The following ITGB5 variants were observed in gnomAD, a reference collection of about 807,000 sequenced individuals.
ITGB5 encodes integrin beta-5.
In ITGB5, 38 loss-of-function variants were observed where a neutral mutation model predicts 84.8. The ratio of observed to expected loss-of-function variants is 0.45; its 90% CI spans 0.35 to 0.59. ITGB5 has a LOEUF of 0.59. Among genes scored for constraint, ITGB5 ranks in the 20% least tolerant of loss-of-function variants. The pLI is 0.01. For missense variants in ITGB5, 905 were observed against 1,034.5 expected (o/e 0.87, Z 1.72); for synonymous variants, 393 against 414.4 (o/e 0.95, Z 0.63).
chr3:124,884,344 A>G, intron 1 of ITGB5, among the ~76,000 whole-genome samples: 1 of 152,206 alleles, frequency 6.6e-6, no homozygotes, highest in East Asian at 1.9e-4. Flanking sequence ...GGTAAGCAGC[A>G]AGTTCTGGAG....
intron 9 of ITGB5, among the ~76,000 whole-genome samples, chr3:124,806,461 TCTCA>T (rs1188204529): frequency 9.3e-4 from 123 of 132,394 alleles, no homozygotes; most frequent in Admixed American, 2.9e-3. Context: ...TGAGACTGAG[TCTCA>T]CTCTGTCGCC....
chr3:124,809,013 G>A lies in ITGB5; in HGVS notation c.1263+9C>T. The A allele has an allele frequency of 6.2e-7, 1 of 1,613,342 alleles. No individual in the cohort carries two copies. The highest frequency in any genetic ancestry group is 8.5e-7 in the Non-Finnish European group (1 of 1,179,666). ...ACAAGAGTTCATACAAACTTGGGGT[G>A]AGACTTACCGTGTCCCCAATCTTCA... On this transcript the variant is annotated intron_variant, in intron 9 of 14. Transcript: ENST00000296181.
At chr3:124,900,101 C>G (rs1935188033) in intron 1 of ITGB5, among the ~76,000 whole-genome samples, 1 of 152,112 alleles carries the variant, frequency 6.6e-6, no homozygotes, top group Admixed American at 6.6e-5. Context: ...ATACAGGACA[C>G]TCTCAGCTTC....
chr3:124,851,745 G>A (rs2065159572), intron 3 of ITGB5, among the ~76,000 whole-genome samples: 1 of 152,050 alleles, frequency 6.6e-6, no homozygotes, highest in African/African-American at 2.4e-5. Context: ...CACCACTGAT[G>A]TTCAGAATGA....
At chr3:124,889,788 TG>T (rs1337858789), upstream of ITGB5, among the ~76,000 whole-genome samples, 9 of 152,172 alleles carry the variant, frequency 5.9e-5, no homozygotes, top group African/African-American at 2.2e-4. Flanking sequence ...CCCAGTCGGG[TG>T]GATAGCTTGA....
intron 3 of ITGB5, among the ~76,000 whole-genome samples, chr3:124,853,859 T>C (rs956356660): frequency 1.3e-5 from 2 of 152,200 alleles, no homozygotes; most frequent in Admixed American, 6.5e-5. Context: ...TTCTTGTGAG[T>C]CTAAAATTAT....
At chr3:124,773,576 G>T in intron 11 of ITGB5, 114 bp downstream of exon 11, 1 of 867,698 alleles carries the variant, frequency 1.2e-6, no homozygotes, top group Non-Finnish European at 1.8e-6. Context: ...GGCTTGCTGG[G>T]TGGGAGATGC....
chr3:124,866,139 T>C (rs72974536), intron 2 of ITGB5, among the ~76,000 whole-genome samples: 3,566 of 150,284 alleles, frequency 0.024, 130 homozygotes, highest in African/African-American at 0.082. Context: ...GGGACTGCTA[T>C]GCCTGGCTAA....
At position 124,876,761 on chromosome 3, in the gene ITGB5, G is replaced by A. The variant is rs536009901; in HGVS notation, c.71-3230C>T. Among the ~76,000 whole-genome samples the A allele has an allele frequency of 6.2e-3, 949 of 152,194 alleles. 36 individuals carry two copies. The highest frequency in any genetic ancestry group is 2.7e-3 in the Non-Finnish European group (183 of 68,020). On this transcript the variant is annotated intron_variant, in intron 1 of 14. Transcript: ENST00000296181. ...CACCCAGGGAGGCCTACAGCAGGAGGATCTGAGGCTGCTGGGACCCACCCA... is the reference window on the plus strand; with the variant it reads ...CACCCAGGGAGGCCTACAGCAGGAGAATCTGAGGCTGCTGGGACCCACCCA...
Position 124,855,696 on chromosome 3 carries a change from G to A in ITGB5, c.361+3546C>T, listed in dbSNP as rs544160899. 5.3e-5 allele frequency among the ~76,000 whole-genome samples: 8 copies of A among 152,226 alleles called. No individual in the cohort carries two copies. The South Asian group carries it at 8.3e-4, about 16-fold the overall frequency. ...AGGCAGTCAGCTCCTCCAACTGCTTGACACCACCAGCACTGGGCTCTCCAC... is the reference window on the plus strand; with the variant it reads ...AGGCAGTCAGCTCCTCCAACTGCTTAACACCACCAGCACTGGGCTCTCCAC... On this transcript the variant is annotated intron_variant, in intron 3 of 14. Transcript: ENST00000296181.
intron 3 of ITGB5, among the ~76,000 whole-genome samples, chr3:124,858,935 T>C (rs1366662923): frequency 6.6e-6 from 1 of 152,256 alleles, no homozygotes; most frequent in African/African-American, 2.4e-5. Flanking sequence ...CTGATGTTTA[T>C]ACAATATTGT....
At chr3:124,805,029 T>TTGCCC (rs199673815) in intron 9 of ITGB5, among the ~76,000 whole-genome samples, 43 of 150,574 alleles carry the variant, frequency 2.9e-4, no homozygotes, top group Non-Finnish European at 5.9e-4. Context: ...TTCCTTTCTT[T>TTGCCC]TGCCCTGCCC....
At chr3:124,812,813 C>G (rs374654630) in intron 8 of ITGB5, among the ~76,000 whole-genome samples, 52 of 152,324 alleles carry the variant, frequency 3.4e-4, no homozygotes, top group African/African-American at 1.2e-3. Context: ...ATACCCTTTC[C>G]ATTTTGCTCC....
chr3:124,806,575 A>G (rs1319275875), intron 9 of ITGB5, among the ~76,000 whole-genome samples: 1 of 151,602 alleles, frequency 6.6e-6, no homozygotes, highest in East Asian at 1.9e-4. Flanking sequence ...CTGGGACTAC[A>G]GGTACCCGCC....
upstream of ITGB5, among the ~76,000 whole-genome samples, chr3:124,888,415 T>G (rs138137161): frequency 7.5e-3 from 1,144 of 152,310 alleles, 10 homozygotes; most frequent in African/African-American, 0.026. Flanking sequence ...GGGTGGGGTC[T>G]TCCTCAGATG....
chr3:124,824,259 GGATA>G (rs2107565559), intron 5 of ITGB5, among the ~76,000 whole-genome samples: 1 of 151,828 alleles, frequency 6.6e-6, no homozygotes, highest in Admixed American at 6.5e-5. Context: ...CAGTGGACTG[GGATA>G]GATAGAGCAA....
chr3:124,835,032 C>T (rs896504772), intron 5 of ITGB5, among the ~76,000 whole-genome samples: 2 of 152,196 alleles, frequency 1.3e-5, no homozygotes, highest in Admixed American at 6.5e-5. Context: ...CCTACCCTTT[C>T]CCCAGGATGA....
At position 124,848,451 on chromosome 3, in the gene ITGB5, T is replaced by C. The variant is rs200787026; in HGVS notation, c.469A>G (p.Ile157Val). 1 of 1,614,102 alleles carries C rather than the reference T, an allele frequency of 6.2e-7. No homozygotes were observed. Among genetic ancestry groups the C allele is most frequent in the East Asian group, 2.2e-5 (1 of 44,872 alleles). Residue 157 changes from isoleucine (I) to valine (V), a missense_variant, in exon 4 of 15, where the codon ATC becomes GTC. Physicochemically the swap from Ile to Val is conservative, Grantham distance 29 (BLOSUM62 3). Transcript: ENST00000296181. ...GCGAGTTTGGTGCCCAGGCTCCGGATATTGTCCAAGTCATCCTTCATGGAC... is the reference window on the plus strand; with the variant it reads ...GCGAGTTTGGTGCCCAGGCTCCGGACATTGTCCAAGTCATCCTTCATGGAC... ...SLSMKDDLDN[I>V]RSLGTKLAEE... is the part of the protein sequence containing the mutation.
At chr3:124,860,634 C>G in intron 2 of ITGB5, among the ~76,000 whole-genome samples, 1 of 152,194 alleles carries the variant, frequency 6.6e-6, no homozygotes, top group East Asian at 1.9e-4. Flanking sequence ...CACCTTTTCC[C>G]TGGTGAATGT....
Sources: allele counts gnomAD v4.1 joint callset (sites outside exome capture counted in the v4.1 genomes callset), GRCh38; gene constraint gnomAD v4.1.1; transcripts MANE v1.5; gene names NCBI Gene and HGNC (gene_info 2026-07-23, HGNC 2026-07-21).